ARL13B: variants seen among roughly 807,000 people sequenced by gnomAD.
ARL13B encodes the protein ARF like GTPase 13B.
ARL13B carries 36 observed loss-of-function variants against 56.1 expected under a neutral mutation model. The ratio of observed to expected loss-of-function variants is 0.64; its 90% CI spans 0.49 to 0.85. ARL13B has a LOEUF of 0.85. Ranked by LOEUF, ARL13B falls within the 40% of genes least tolerant of loss-of-function variation. The pLI is 0.00. For missense variants in ARL13B, 519 were observed against 507.1 expected, an observed-to-expected ratio of 1.02 and a Z score of -0.23; for synonymous variants, 178 against 171.1, an observed-to-expected ratio of 1.04 and a Z score of -0.32.
chr3:94,034,745 T>C (rs2076737530), intron 3 of ARL13B, among the ~76,000 whole-genome samples: 1 of 152,182 alleles, frequency 6.6e-6, no homozygotes, highest in South Asian at 2.1e-4. Context: ...ATTTTTCTGT[T>C]TTGTAGCTTT....
intron 1 of ARL13B, among the ~76,000 whole-genome samples, chr3:93,992,354 G>A (rs964007821): frequency 4.6e-5 from 7 of 152,150 alleles, no homozygotes; most frequent in Non-Finnish European, 8.8e-5. Context: ...CGACTCAGTT[G>A]ATGCTTGTTT....
intron 1 of ARL13B, among the ~76,000 whole-genome samples, chr3:93,990,434 T>G (rs918457222): frequency 6.6e-6 from 1 of 152,192 alleles, no homozygotes; most frequent in African/African-American, 2.4e-5. Flanking sequence ...CCTCCAAGCC[T>G]AAACACGAAT....
At chr3:94,026,913 G>T (rs1268542646) in intron 3 of ARL13B, among the ~76,000 whole-genome samples, 1 of 152,098 alleles carries the variant, frequency 6.6e-6, no homozygotes, top group Non-Finnish European at 1.5e-5. Context: ...TGGACAACTT[G>T]TTCTGGGAAA....
chr3:93,980,251 C>A lies in ARL13B; in HGVS notation c.-173C>A. The A allele has an allele frequency of 1.2e-6, 1 of 800,556 alleles. No individual in the cohort carries two copies. The highest frequency in any genetic ancestry group is 2.1e-6 in the Non-Finnish European group (1 of 473,798). 49.6% of individuals were successfully genotyped at this position (800,556 alleles called of 1,614,324 possible). On this transcript the variant is annotated 5_prime_UTR_variant, in exon 1 of 10. Transcript: ENST00000394222. ...TAAGAGGGCAGTCGTCGCGGACCCA[C>A]GCGGTTAGCAAGGCTTAGTGCTCGG...
Position 94,054,249 on chromosome 3 carries a change from G to A in ARL13B, c.*986G>A, listed in dbSNP as rs2077109852. On this transcript the variant is annotated 3_prime_UTR_variant, in exon 10 of 10. Transcript: ENST00000394222. Reference sequence around the variant, plus strand: ...CTGGAAAACCTACTGCAGGTCCAGAGACTTCTGTTTTACAACTGGGAAACA... The same window carrying A: ...CTGGAAAACCTACTGCAGGTCCAGAAACTTCTGTTTTACAACTGGGAAACA... 2.2e-6 allele frequency: 1 copy of A among 452,230 alleles called. No homozygotes were observed. The highest frequency in any genetic ancestry group is 2.4e-5 in the Admixed American group (1 of 42,508). 28.0% of individuals were successfully genotyped at this position (452,230 alleles called of 1,614,324 possible).
rs534437881 is a variant in ARL13B, at chr3:94,055,111, T to G, written c.*1848T>G. ...ATATAGAATTCACATTTTATATAGC[T>G]CTCTCAAAAATTAATTTTTATTCCT... On this transcript the variant is annotated 3_prime_UTR_variant, in exon 10 of 10. Transcript: ENST00000394222. The G allele has an allele frequency of 8.1e-6, 3 of 369,112 alleles. No homozygotes were observed. The highest frequency in any genetic ancestry group is 6.5e-5 in the African/African-American group (3 of 46,390). 22.9% of individuals were successfully genotyped at this position (369,112 alleles called of 1,614,324 possible).
In ARL13B at chr3:94,029,334, A is replaced by AT. The variant is rs71105171; in HGVS notation, c.381-5994dup. 2.4e-3 allele frequency among the ~76,000 whole-genome samples: 126 copies of AT among 53,334 alleles called. 4 individuals carry two copies. The highest frequency in any genetic ancestry group is 3.3e-3 in the African/African-American group (35 of 10,712). The allele number at this position is 53,334 out of a possible 152,430, so 35.0% of individuals were successfully genotyped here. A position where few individuals can be genotyped will look rare whatever the true frequency, so the allele number is the denominator to read the frequency against. ...TATATATATATATATATATATATAT[A>AT]TTTATTTTTTTTTTATTTTTTTTTT... is the stretch of plus-strand genomic sequence containing the variant. On this transcript the variant is annotated intron_variant, in intron 3 of 9. Coordinates refer to ENST00000394222, the MANE Select transcript of ARL13B (RefSeq NM_001174150.2).
chr3:94,044,565 TG>T (rs2076943134), intron 7 of ARL13B, among the ~76,000 whole-genome samples: 1 of 109,074 alleles, frequency 9.2e-6, no homozygotes, highest in Non-Finnish European at 1.8e-5. Flanking sequence ...CGCCTCTGCC[TG>T]GCCGCCACCG....
In ARL13B at chr3:94,043,032, A is replaced by T; in HGVS notation, c.816A>T (p.Glu272Asp). 1 of 1,609,666 alleles carries T rather than the reference A, an allele frequency of 6.2e-7. No homozygotes were observed. The highest frequency in any genetic ancestry group is 8.5e-7 in the Non-Finnish European group (1 of 1,178,520). ...TTTGTTAGAATGAAGGAAAACTTGAAAGAGAGAAAAAAAACCAAAAAATGG... is the reference window on the plus strand; with the variant it reads ...TTTGTTAGAATGAAGGAAAACTTGATAGAGAGAAAAAAAACCAAAAAATGG... ...SVIIENEGKLEREKKNQKMEK... is the reference protein window; with the variant it reads ...SVIIENEGKLDREKKNQKMEK... The change falls in exon 7 of 10, where the codon GAA becomes GAT. Residue 272 changes from glutamate to aspartate, a missense_variant. By Grantham distance (45) the Glu-to-Asp change is conservative (BLOSUM62 2). Transcript: ENST00000394222.
At chr3:94,033,298 C>A (rs2076708870) in intron 3 of ARL13B, among the ~76,000 whole-genome samples, 1 of 152,084 alleles carries the variant, frequency 6.6e-6, no homozygotes, top group Non-Finnish European at 1.5e-5. Context: ...ACTGAAAGCC[C>A]AGACCTCACC....
At chr3:94,011,327 G>A (rs1235074827) in intron 3 of ARL13B, among the ~76,000 whole-genome samples, 1 of 152,056 alleles carries the variant, frequency 6.6e-6, no homozygotes, top group Non-Finnish European at 1.5e-5. Flanking sequence ...TGACTGTGAT[G>A]GCTGATCTTA....
In ARL13B at chr3:94,053,272, T is replaced by A. The variant is rs767357191; in HGVS notation, c.*9T>A. 13 of 1,611,636 alleles carry A rather than the reference T, an allele frequency of 8.1e-6. No homozygotes were observed. Among genetic ancestry groups the A allele is most frequent in the Middle Eastern group, 1.7e-4 (1 of 6,060 alleles). On this transcript the variant is annotated 3_prime_UTR_variant, in exon 10 of 10. Transcript: ENST00000394222. Reference sequence around the variant, plus strand: ...ATGATGTGATCTCATAAACAAGACGTATGGAGGAGTTCTCTTAATATCAGC... The same window carrying A: ...ATGATGTGATCTCATAAACAAGACGAATGGAGGAGTTCTCTTAATATCAGC...
At chr3:94,051,639 A>C (rs1015145668) in intron 9 of ARL13B, among the ~76,000 whole-genome samples, 2 of 152,082 alleles carry the variant, frequency 1.3e-5, no homozygotes, top group African/African-American at 2.4e-5. Flanking sequence ...ATTATAGATA[A>C]ATGTAGTTCA....
rs1274145824 is a variant in ARL13B at position 94,003,826 on chromosome 3, G to A, written c.298G>A (p.Asp100Asn). The A allele has an allele frequency of 6.2e-7, 1 of 1,613,708 alleles. No individual in the cohort carries two copies. The highest frequency in any genetic ancestry group is 1.3e-5 in the African/African-American group (1 of 75,014). Residue 100 changes from aspartate (D) to asparagine (N), a missense_variant, in exon 3 of 10, where the codon GAT becomes AAT. Coordinates refer to ENST00000394222, the MANE Select transcript of ARL13B (RefSeq NM_001174150.2). Reference sequence around the variant, plus strand: ...GGTAATATTTGTTGTGGATTCCAGTGATGAAGAGAGAATGGAAGAGACAAA... The same window carrying A: ...GGTAATATTTGTTGTGGATTCCAGTAATGAAGAGAGAATGGAAGAGACAAA... Reference protein sequence around the residue: ...YGVIFVVDSSDEERMEETKEA... With the variant: ...YGVIFVVDSSNEERMEETKEA...
At chr3:94,034,324 T>C (rs1175212689) in intron 3 of ARL13B, among the ~76,000 whole-genome samples, 2 of 152,110 alleles carry the variant, frequency 1.3e-5, no homozygotes, top group African/African-American at 4.8e-5. Context: ...TCTTAGTCTA[T>C]GTACTTAATT....
chr3:94,048,873 A>G (rs967425375), intron 7 of ARL13B, among the ~76,000 whole-genome samples: 4 of 152,108 alleles, frequency 2.6e-5, no homozygotes, highest in Non-Finnish European at 5.9e-5. Context: ...CTGAGATTAC[A>G]GGTGTGAGCT....
intron 3 of ARL13B, among the ~76,000 whole-genome samples, chr3:94,004,333 A>T (rs2076099136): frequency 6.6e-6 from 1 of 152,064 alleles, no homozygotes; most frequent in South Asian, 2.1e-4. Flanking sequence ...TACCACATTG[A>T]TTTCTCAGTT....
rs768515224 is a variant in ARL13B at position 94,003,732 on chromosome 3, C to A, written c.204C>A (p.Thr68=). Residue 68 remains threonine (T), a synonymous_variant, in exon 3 of 10, where the codon ACC becomes ACA. Transcript: ENST00000394222. ...INLRQGKFEV[T]IFDLGGGIRI... is the part of the protein sequence containing the mutation. ...TTAGACAAGGAAAGTTTGAAGTCACCATCTTTGACTTGGGAGGTGGAATAA... is the reference window on the plus strand; with the variant it reads ...TTAGACAAGGAAAGTTTGAAGTCACAATCTTTGACTTGGGAGGTGGAATAA... 1 of 1,613,526 alleles carries A rather than the reference C, an allele frequency of 6.2e-7. No individual in the cohort carries two copies. Among genetic ancestry groups the A allele is most frequent in the South Asian group, 1.1e-5 (1 of 91,034 alleles).
At chr3:94,003,557 G>C (rs2076086728) in intron 2 of ARL13B, 102 bp from the exon 3 acceptor site, 1 of 1,315,264 alleles carries the variant, frequency 7.6e-7, no homozygotes, top group Admixed American at 1.9e-5. Context: ...TTGTGTCAGT[G>C]AATGCTAAAT....
Sources: allele counts gnomAD v4.1 joint callset (sites outside exome capture counted in the v4.1 genomes callset), GRCh38; gene constraint gnomAD v4.1.1; transcripts MANE v1.5; gene names NCBI Gene and HGNC (gene_info 2026-07-23, HGNC 2026-07-21).